Variants in XIRP1 observed in about 807,000 individuals in gnomAD.
XIRP1 encodes the protein xin actin-binding repeat-containing protein 1.
For missense variants in XIRP1, 2,378 were observed against 2,345.4 expected, an observed-to-expected ratio of 1.01 and a Z score of -0.29; for synonymous variants, 984 against 947.0, an observed-to-expected ratio of 1.04 and a Z score of -0.72.
At position 39,189,755 on chromosome 3, in the gene XIRP1, A is replaced by T. The variant is rs115996428; in HGVS notation, c.-80-230T>A. ...GGGAGTGACCATGGTACCACTGGAC[A>T]TGAGACACTTTCCTTTAGCTCCATA... On this transcript the variant is annotated intron_variant, in intron 1 of 1. Coordinates refer to ENST00000340369, the MANE Select transcript of XIRP1 (RefSeq NM_194293.4). Among the ~76,000 whole-genome samples, 611 of 152,312 alleles carry T rather than the reference A, an allele frequency of 4.0e-3. 6 individuals carry two copies. Among genetic ancestry groups the T allele is most frequent in the African/African-American group, 0.014 (588 of 41,572 alleles).
At position 39,188,828 on chromosome 3, in the gene XIRP1, G is replaced by A. The variant is rs1406582628; in HGVS notation, c.618C>T (p.Arg206=). 1.9e-6 allele frequency: 3 copies of A among 1,613,046 alleles called. No homozygotes were observed. Among genetic ancestry groups the A allele is most frequent in the Admixed American group, 1.7e-5 (1 of 60,034 alleles). Residue 206 remains arginine (R), a synonymous_variant, in exon 2 of 2, where the codon CGC becomes CGT. Transcript: ENST00000340369. ...ETRPLDRLGS[R]PSLQEQSPLE... ...AGGGGCTCTGCTCCTGCAGGGAGGGGCGGGAGCCCAGGCGGTCCAGCGGCC... is the reference window on the plus strand; with the variant it reads ...AGGGGCTCTGCTCCTGCAGGGAGGGACGGGAGCCCAGGCGGTCCAGCGGCC...
In XIRP1 at chr3:39,184,900, G is replaced by C; in HGVS notation, c.4546C>G (p.Gln1516Glu). 2 of 1,592,922 alleles carry C rather than the reference G, an allele frequency of 1.3e-6. No homozygotes were observed. Among genetic ancestry groups the C allele is most frequent in the South Asian group, 1.1e-5 (1 of 88,444 alleles). Reference sequence around the variant, plus strand: ...TGCTCCACTGAGGCCTCGGGCTTTTGGTGGGCAGCAGGAGCCTGAGGAGCA... The same window carrying C: ...TGCTCCACTGAGGCCTCGGGCTTTTCGTGGGCAGCAGGAGCCTGAGGAGCA... ...GAAPQAPAAH[Q>E]KPEASVEQAF... Residue 1516 changes from glutamine to glutamate, a missense_variant, in exon 2 of 2, where the codon CAA (glutamine) becomes GAA (glutamate). Gln to Glu is a conservative substitution (Grantham distance 29, BLOSUM62 2). Coordinates refer to ENST00000340369, the MANE Select transcript of XIRP1 (RefSeq NM_194293.4).
intron 1 of XIRP1, among the ~76,000 whole-genome samples, chr3:39,191,549 A>G (rs1172693547): frequency 6.6e-6 from 1 of 152,236 alleles, no homozygotes; most frequent in African/African-American, 2.4e-5. Flanking sequence ...AGGCAGTAGC[A>G]AAGCCTGAAG....
rs1419594593 is a variant in XIRP1 at position 39,186,050 on chromosome 3, A to G, written c.3396T>C (p.Pro1132=). ...CATCCTGAATTGTCACCCACCCCCC[A>G]GGCAGCCCTCTGGGTAGTGCTTGCT... The part of the protein sequence containing the change: ...REEQALPRGL[P]GGWVTIQDGI... Residue 1132 remains proline (P), a synonymous_variant, in exon 2 of 2, where the codon CCT becomes CCC. Transcript: ENST00000340369. The G allele has an allele frequency of 1.2e-6, 2 of 1,614,092 alleles. No individual in the cohort carries two copies. The highest frequency in any genetic ancestry group is 1.7e-5 in the Admixed American group (1 of 60,008).
In XIRP1 at chr3:39,187,328, G is replaced by T; in HGVS notation, c.2118C>A (p.Gly706=). Residue 706 remains glycine (G), a synonymous_variant, in exon 2 of 2, where the codon GGC becomes GGA. Transcript: ENST00000340369. The part of the protein sequence containing the change: ...QKEVFQALEA[G]KKEEQEPRVI... Reference sequence around the variant, plus strand: ...CCCGGGGCTCCTGTTCTTCCTTCTTGCCTGCCTCCAGGGCCTGAAAAACCT... The same window carrying T: ...CCCGGGGCTCCTGTTCTTCCTTCTTTCCTGCCTCCAGGGCCTGAAAAACCT... 1 of 1,599,926 alleles carries T rather than the reference G, an allele frequency of 6.3e-7. No homozygotes were observed. The highest frequency in any genetic ancestry group is 8.5e-7 in the Non-Finnish European group (1 of 1,172,200).
intron 1 of XIRP1, among the ~76,000 whole-genome samples, chr3:39,191,197 C>T (rs2040082568): frequency 6.6e-6 from 1 of 152,216 alleles, no homozygotes; most frequent in African/African-American, 2.4e-5. Context: ...CTGAAACCTG[C>T]AGCCTGAGTC....
At position 39,183,690 on chromosome 3, in the gene XIRP1, C is replaced by G. The variant is rs75057986; in HGVS notation, c.*224G>C. On this transcript the variant is annotated 3_prime_UTR_variant, in exon 2 of 2. Coordinates refer to ENST00000340369, the MANE Select transcript of XIRP1 (RefSeq NM_194293.4). ...CAGCTGGGAGCCCCCATCCTACCCCCACGCCTGTGCAACTCTGTGGGCCTC... is the reference window on the plus strand; with the variant it reads ...CAGCTGGGAGCCCCCATCCTACCCCGACGCCTGTGCAACTCTGTGGGCCTC... 222 of 706,566 alleles carry G rather than the reference C, an allele frequency of 3.1e-4. No homozygotes were observed. The East Asian group carries it at 5.8e-3, about 18-fold the overall frequency. The allele number at this position is 706,566 out of a possible 1,614,324, so 43.8% of individuals were successfully genotyped here.
At position 39,186,005 on chromosome 3, in the gene XIRP1, G is replaced by A. The variant is rs745587316; in HGVS notation, c.3441C>T (p.Pro1147=). 7.4e-6 allele frequency: 12 copies of A among 1,614,034 alleles called. No individual in the cohort carries two copies. Among genetic ancestry groups the A allele is most frequent in the African/African-American group, 2.7e-5 (2 of 74,920 alleles). Reference sequence around the variant, plus strand: ...CCCCAGGTGGGTCAAAGGTCCTCACGGGATGAGCGGTGTAGATGCCATCCT... The same window carrying A: ...CCCCAGGTGGGTCAAAGGTCCTCACAGGATGAGCGGTGTAGATGCCATCCT... ...TIQDGIYTAH[P]VRTFDPPGGV... The change falls in exon 2 of 2, where the codon CCC becomes CCT. Residue 1147 remains proline (P), a synonymous_variant. Coordinates refer to ENST00000340369, the MANE Select transcript of XIRP1 (RefSeq NM_194293.4).
In XIRP1 at chr3:39,186,095, G is replaced by C. The variant is rs2039964233; in HGVS notation, c.3351C>G (p.Pro1117=). 1 of 1,613,702 alleles carries C rather than the reference G, an allele frequency of 6.2e-7. No individual in the cohort carries two copies. Residue 1117 remains proline (P), a synonymous_variant, in exon 2 of 2, where the codon CCC becomes CCG. Transcript: ENST00000340369. The stretch of plus-strand genomic sequence containing the variant: ...CTTGCTCTTCCCTACTGACCTTTCT[G>C]GGGGCTGCTGGGATCCGGGGATCAC... ...GGSDPRIPAA[P]RKVSREEQAL...
Position 39,188,703 on chromosome 3 carries a change from C to T in XIRP1, c.743G>A (p.Gly248Asp), listed in dbSNP as rs1393060546. 6.2e-7 allele frequency: 1 copy of T among 1,613,442 alleles called. No homozygotes were observed. The highest frequency in any genetic ancestry group is 2.2e-5 in the East Asian group (1 of 44,878). ...TGCGGCCTTGACCTCATGGATGGCG[C>T]CCTCTGCATCCTGGATGGCACACAG... ...EPLCAIQDAE[G>D]AIHEVKAACR... The change falls in exon 2 of 2, where the codon GGC (glycine) becomes GAC (aspartate). Residue 248 changes from glycine (G) to aspartate (D), a missense_variant. Coordinates refer to ENST00000340369, the MANE Select transcript of XIRP1 (RefSeq NM_194293.4).
At position 39,186,831 on chromosome 3, in the gene XIRP1, T is replaced by G. The variant is rs1284542783; in HGVS notation, c.2615A>C (p.Glu872Ala). The change falls in exon 2 of 2, where the codon GAA becomes GCA. Residue 872 changes from glutamate (E) to alanine (A), a missense_variant. Glu to Ala is a moderately radical substitution (Grantham distance 107). Coordinates refer to ENST00000340369, the MANE Select transcript of XIRP1 (RefSeq NM_194293.4). ...LPTPGSSGNIEDMDPELQQLL... is the reference protein window; with the variant it reads ...LPTPGSSGNIADMDPELQQLL... The stretch of plus-strand genomic sequence containing the variant: ...CTGCTGGAGCTCAGGGTCCATGTCT[T>G]CAATATTCCCACTGCTGCCTGGAGT... 6.2e-7 allele frequency: 1 copy of G among 1,613,730 alleles called. No individual in the cohort carries two copies. Among genetic ancestry groups the G allele is most frequent in the Non-Finnish European group, 8.5e-7 (1 of 1,179,708 alleles).
chr3:39,184,045 AGCCTGGGTTCCTGGGTGGCTCT>A lies in XIRP1; in HGVS notation c.5379_5400del (p.Glu1794ProfsTer11). 6.2e-7 allele frequency: 1 copy of A among 1,609,138 alleles called. No homozygotes were observed. The highest frequency in any genetic ancestry group is 8.5e-7 in the Non-Finnish European group (1 of 1,177,582). On this transcript the variant is annotated frameshift_variant, in exon 2 of 2. Coordinates refer to ENST00000340369, the MANE Select transcript of XIRP1 (RefSeq NM_194293.4). LOFTEE classifies it low-confidence loss of function (END_TRUNC). ...GGGGAGGCGTGGAGCCCGAGGTGGGAGCCTGGGTTCCTGGGTGGCTCTGCCTGCTCGGTGACTGTGGTGGAAG... is the reference window on the plus strand; with the variant it reads ...GGGGAGGCGTGGAGCCCGAGGTGGGAGCCTGCTCGGTGACTGTGGTGGAAG...
chr3:39,188,192 G>A lies in XIRP1; in HGVS notation c.1254C>T (p.Ser418=), dbSNP rs6764987. 30 of 1,614,034 alleles carry A rather than the reference G, an allele frequency of 1.9e-5. No individual in the cohort carries two copies. The African/African-American group carries it at 2.5e-4, about 14-fold the overall frequency. The change falls in exon 2 of 2, where the codon AGC becomes AGT. Residue 418 remains serine, a synonymous_variant. Transcript: ENST00000340369. ...QDGEGHLSSD[S]SSALPFSQSA... ...TCTGAGAGAAGGGCAGTGCTGAGGA[G>A]CTGTCACTGGATAGATGCCCCTCAC...
chr3:39,187,221 G>C lies in XIRP1; in HGVS notation c.2225C>G (p.Ala742Gly), dbSNP rs751547715. The C allele has an allele frequency of 6.3e-7, 1 of 1,590,454 alleles. No homozygotes were observed. Among genetic ancestry groups the C allele is most frequent in the South Asian group, 1.1e-5 (1 of 89,106 alleles). ...FENCPMGSLA[A>G]ESIQGGNLLE... is the part of the protein sequence containing the mutation. ...GAGGTTGCCCCCTTGGATGCTCTCA[G>C]CTGCCAGGGAGCCCATGGGACAATT... Residue 742 changes from alanine (A) to glycine (G), a missense_variant, in exon 2 of 2, where the codon GCT becomes GGT. Transcript: ENST00000340369.
At position 39,184,027 on chromosome 3, in the gene XIRP1, C is replaced by T. The variant is rs145643476; in HGVS notation, c.5419G>A (p.Ala1807Thr). The change falls in exon 2 of 2, where the codon GCC becomes ACC. Residue 1807 changes from alanine to threonine, a missense_variant. Coordinates refer to ENST00000340369, the MANE Select transcript of XIRP1 (RefSeq NM_194293.4). The stretch of plus-strand genomic sequence containing the variant: ...AGGAACTGCCTCAGCAAGGGGGAGG[C>T]GTGGAGCCCGAGGTGGGAGCCTGGG... ...RNPGSHLGLH[A>T]SPLLRQFLHS... 8.0e-5 allele frequency: 129 copies of T among 1,612,782 alleles called. No homozygotes were observed. Among genetic ancestry groups the T allele is most frequent in the Middle Eastern group, 1.8e-4 (1 of 5,692 alleles).
At position 39,187,370 on chromosome 3, in the gene XIRP1, C is replaced by G; in HGVS notation, c.2076G>C (p.Gln692His). ...GAAAAACCTCTTTCTGACGAGACAC[C>G]TGCCCTGAAGGGATCTCCACGCGGC... is the stretch of plus-strand genomic sequence containing the variant. ...YCSRVEIPSGQVSRQKEVFQA... is the reference protein window; with the variant it reads ...YCSRVEIPSGHVSRQKEVFQA... Residue 692 changes from glutamine (Q) to histidine (H), a missense_variant, in exon 2 of 2, where the codon CAG becomes CAC. Gln to His is a conservative substitution (Grantham distance 24, BLOSUM62 0). Coordinates refer to ENST00000340369, the MANE Select transcript of XIRP1 (RefSeq NM_194293.4). The G allele has an allele frequency of 1.2e-6, 2 of 1,611,506 alleles. No individual in the cohort carries two copies. Among genetic ancestry groups the G allele is most frequent in the Non-Finnish European group, 1.7e-6 (2 of 1,178,366 alleles).
Position 39,185,758 on chromosome 3 carries a change from G to T in XIRP1, c.3688C>A (p.Pro1230Thr), listed in dbSNP as rs2039957239. Residue 1230 changes from proline to threonine, a missense_variant, in exon 2 of 2, where the codon CCT becomes ACT. Transcript: ENST00000340369. ...QAAETTLKTA[P>T]LGRHILASGP... ...GAGGCCAGAATGTGGCGGCCTAGAG[G>T]GGCAGTCTTCAGGGTGGTCTCTGCA... The T allele has an allele frequency of 6.2e-7, 1 of 1,608,532 alleles. No homozygotes were observed. Among genetic ancestry groups the T allele is most frequent in the African/African-American group, 1.3e-5 (1 of 74,872 alleles).
rs199535005 is a variant in XIRP1, at chr3:39,184,976, G to A, written c.4470C>T (p.Asp1490=). The change falls in exon 2 of 2, where the codon GAC becomes GAT. Residue 1490 remains aspartate (D), a synonymous_variant. Transcript: ENST00000340369. ...ALEKEAASSV[D]VQALRRLFEA... ...CAAAGAGCCTCCGCAGGGCCTGCAC[G>A]TCCACACTGCTTGCGGCCTCCTTCT... is the stretch of plus-strand genomic sequence containing the variant. 89 of 1,529,034 alleles carry A rather than the reference G, an allele frequency of 5.8e-5. No homozygotes were observed. The African/African-American group carries it at 6.8e-4, about 12-fold the overall frequency. 94.7% of individuals were successfully genotyped at this position (1,529,034 alleles called of 1,614,324 possible). A position where few individuals can be genotyped will look rare whatever the true frequency, so the allele number is the denominator to read the frequency against.
At position 39,185,575 on chromosome 3, in the gene XIRP1, G is replaced by A; in HGVS notation, c.3871C>T (p.Leu1291Phe). Residue 1291 changes from leucine (L) to phenylalanine (F), a missense_variant, in exon 2 of 2, where the codon CTT becomes TTT. Coordinates refer to ENST00000340369, the MANE Select transcript of XIRP1 (RefSeq NM_194293.4). Reference protein sequence around the residue: ...QQASEPLKDPLLHSHSSPAGQ... With the variant: ...QQASEPLKDPFLHSHSSPAGQ... ...GCAGGGCTGCTGTGGGAGTGAAGAA[G>A]GGGGTCCTTCAGGGGCTCAGAGGCT... is the stretch of plus-strand genomic sequence containing the variant. 5.0e-6 allele frequency: 8 copies of A among 1,586,502 alleles called. No homozygotes were observed. Among genetic ancestry groups the A allele is most frequent in the Non-Finnish European group, 6.9e-6 (8 of 1,165,146 alleles).
Sources: allele counts gnomAD v4.1 joint callset (sites outside exome capture counted in the v4.1 genomes callset), GRCh38; gene constraint gnomAD v4.1.1; transcripts MANE v1.5; gene names NCBI Gene and HGNC (gene_info 2026-07-23, HGNC 2026-07-21).